WDR7: variants seen among roughly 807,000 people sequenced by gnomAD.
WDR7 encodes WD repeat domain 7, also known as WD repeat-containing protein 7.
WDR7 carries 46 observed loss-of-function variants against 169.4 expected under a neutral mutation model. That is an observed-to-expected ratio of 0.27 (90% confidence interval 0.21 to 0.35). The LOEUF is 0.35. Ranked by LOEUF, WDR7 falls within the 10% of genes least tolerant of loss-of-function variation. WDR7 has a pLI of 1.00. For missense variants in WDR7, 1,534 were observed against 1,859.3 expected (o/e 0.83, Z 3.22); for synonymous variants, 612 against 666.8 (o/e 0.92, Z 1.27).
chr18:56,711,435 A>G (rs2026084363), intron 12 of WDR7, among the ~76,000 whole-genome samples: 1 of 152,042 alleles, frequency 6.6e-6, no homozygotes. Flanking sequence ...TTTTTCTTTG[A>G]TAGTATTTTC....
chr18:56,928,850 C>G (rs945128669), intron 22 of WDR7, among the ~76,000 whole-genome samples: 2 of 152,226 alleles, frequency 1.3e-5, no homozygotes, highest in South Asian at 4.1e-4. Flanking sequence ...TCAAACCCTA[C>G]TCTAGCTTAT....
intron 20 of WDR7, among the ~76,000 whole-genome samples, chr18:56,854,452 C>T (rs1418940001): frequency 6.6e-6 from 1 of 152,222 alleles, no homozygotes; most frequent in East Asian, 1.9e-4. Context: ...GCATAACACC[C>T]TCCAGGAACC....
intron 22 of WDR7, among the ~76,000 whole-genome samples, chr18:56,927,045 A>G (rs1006320969): frequency 1.3e-5 from 2 of 152,100 alleles, no homozygotes; most frequent in African/African-American, 4.8e-5. Context: ...AGAAGCTTTT[A>G]TGTTAGGCCT....
chr18:56,752,256 C>G (rs554034991), intron 14 of WDR7, among the ~76,000 whole-genome samples: 12 of 152,296 alleles, frequency 7.9e-5, no homozygotes, highest in South Asian at 4.2e-4. Flanking sequence ...TTGCATTCTC[C>G]ATCTTGGACA....
rs558018796 is a variant in WDR7, at chr18:56,829,772, G to A, written c.3304+13628G>A. Among the ~76,000 whole-genome samples the A allele has an allele frequency of 2.6e-5, 4 of 152,240 alleles. No individual in the cohort carries two copies. In the East Asian group the frequency reaches 5.8e-4, roughly 22 times the overall value. On this transcript the variant is annotated intron_variant, in intron 20 of 27. Coordinates refer to ENST00000254442, the MANE Select transcript of WDR7 (RefSeq NM_015285.3). ...TAAGAACTGTGATATAAATTGGGAGGCACAGGAGGAAGAAGGCAGGAGAAA... is the reference window on the plus strand; with the variant it reads ...TAAGAACTGTGATATAAATTGGGAGACACAGGAGGAAGAAGGCAGGAGAAA...
At chr18:57,006,965 T>C (rs192374965) in intron 26 of WDR7, among the ~76,000 whole-genome samples, 67 of 152,218 alleles carry the variant, frequency 4.4e-4, no homozygotes, top group Non-Finnish European at 7.5e-4. Flanking sequence ...AATTCCTTTT[T>C]TGTTATCTTT....
intron 26 of WDR7, among the ~76,000 whole-genome samples, chr18:56,981,367 A>C (rs1465809504): frequency 2.0e-5 from 3 of 152,166 alleles, no homozygotes; most frequent in Admixed American, 6.5e-5. Context: ...ATACATGTGG[A>C]GATGCCAAGT....
intron 25 of WDR7, among the ~76,000 whole-genome samples, chr18:56,942,178 G>A (rs2047043165): frequency 6.6e-6 from 1 of 152,186 alleles, no homozygotes; most frequent in Non-Finnish European, 1.5e-5. Flanking sequence ...GGTATGGGGA[G>A]GGAGAGGGAT....
At chr18:56,672,696 T>G in intron 2 of WDR7, 22 bp downstream of exon 2, 4 of 1,570,492 alleles carry the variant, frequency 2.5e-6, no homozygotes, top group Non-Finnish European at 3.4e-6. Context: ...AAATGCCTAT[T>G]ATACATTTTA....
intron 25 of WDR7, among the ~76,000 whole-genome samples, chr18:56,958,421 T>A (rs2145761447): frequency 6.6e-6 from 1 of 152,260 alleles, no homozygotes; most frequent in South Asian, 2.1e-4. Context: ...TTATTGAAAT[T>A]TGTGTGTGCT....
chr18:56,746,394 G>A (rs74559091), intron 14 of WDR7, among the ~76,000 whole-genome samples: 5,838 of 152,264 alleles, frequency 0.038, 341 homozygotes, highest in African/African-American at 0.13. Context: ...TAGGAAAAAG[G>A]ATGGGAATGG....
Position 57,024,589 on chromosome 18 carries a change from T to A in WDR7, c.4270-2415T>A, listed in dbSNP as rs796218594. Among the ~76,000 whole-genome samples the A allele has an allele frequency of 1.7e-3, 196 of 115,742 alleles. 5 individuals carry two copies. Among genetic ancestry groups the A allele is most frequent in the African/African-American group, 4.9e-3 (132 of 27,156 alleles). The allele number at this position is 115,742 out of a possible 152,430, so 75.9% of individuals were successfully genotyped here. The stretch of plus-strand genomic sequence containing the variant: ...GTTATGTCCCTTATAGAATTTCACA[T>A]ATCCCTATTCTCAGGCAGGAATAGG... On this transcript the variant is annotated intron_variant, in intron 27 of 27. Coordinates refer to ENST00000254442, the MANE Select transcript of WDR7 (RefSeq NM_015285.3).
At chr18:56,816,559 TC>T (rs2145217605) in intron 20 of WDR7, among the ~76,000 whole-genome samples, 1 of 152,354 alleles carries the variant, frequency 6.6e-6, no homozygotes, top group East Asian at 1.9e-4. Flanking sequence ...GAAGACTTAC[TC>T]TTTATACCTA....
chr18:56,960,616 A>C (rs2047325483), intron 25 of WDR7, among the ~76,000 whole-genome samples: 1 of 152,180 alleles, frequency 6.6e-6, no homozygotes, highest in African/African-American at 2.4e-5. Context: ...ATGTAGATGT[A>C]GGCACAGTTA....
chr18:56,795,377 G>A lies in WDR7; in HGVS notation c.3190+13721G>A, dbSNP rs8099372. Among the ~76,000 whole-genome samples the A allele has an allele frequency of 6.3e-4, 96 of 152,146 alleles. No individual in the cohort carries two copies. The South Asian group carries it at 0.018, about 28-fold the overall frequency. The stretch of plus-strand genomic sequence containing the variant: ...AGATCGCAAAAAGTGCTAGATATGC[G>A]TCTTGCTGTTTGTTCACTGTTGCTT... On this transcript the variant is annotated intron_variant, in intron 19 of 27. Transcript: ENST00000254442.
intron 25 of WDR7, among the ~76,000 whole-genome samples, chr18:56,956,768 G>A (rs971835482): frequency 6.6e-6 from 1 of 152,142 alleles, no homozygotes; most frequent in Admixed American, 6.6e-5. Flanking sequence ...GCAACATGCA[G>A]TTGATTCGAT....
Position 56,691,287 on chromosome 18 carries a change from G to C in WDR7, c.789G>C (p.Gly263=). 1.2e-6 allele frequency: 2 copies of C among 1,607,476 alleles called. No individual in the cohort carries two copies. Among genetic ancestry groups the C allele is most frequent in the African/African-American group, 1.3e-5 (1 of 74,472 alleles). ...PSENGQTWTG[G]DFVSSDKVII... ...AAAATGGACAGACATGGACCGGGGG[G>C]GACTTTGTCTCATCAGATAAAGTCA... Residue 263 remains glycine (G), a synonymous_variant, in exon 8 of 28, where the codon GGG becomes GGC. Transcript: ENST00000254442.
At chr18:56,905,693 C>T (rs1042373243) in intron 21 of WDR7, among the ~76,000 whole-genome samples, 1 of 150,934 alleles carries the variant, frequency 6.6e-6, no homozygotes, top group South Asian at 2.1e-4. Flanking sequence ...TGTGAAAACA[C>T]CTCCACTTAC....
chr18:56,772,640 T>C lies in WDR7; in HGVS notation c.2849-4142T>C, dbSNP rs2044182270. On this transcript the variant is annotated intron_variant, in intron 16 of 27. Coordinates refer to ENST00000254442, the MANE Select transcript of WDR7 (RefSeq NM_015285.3). Reference sequence around the variant, plus strand: ...ACATTGAACATTATTTCCATAGACATAGAGATATTTATCTCTCTATATAAA... The same window carrying C: ...ACATTGAACATTATTTCCATAGACACAGAGATATTTATCTCTCTATATAAA... Among the ~76,000 whole-genome samples, 4 of 151,976 alleles carry C rather than the reference T, an allele frequency of 2.6e-5. No homozygotes were observed. The South Asian group carries it at 8.3e-4, about 31-fold the overall frequency.
Sources: allele counts gnomAD v4.1 joint callset (sites outside exome capture counted in the v4.1 genomes callset), GRCh38; gene constraint gnomAD v4.1.1; transcripts MANE v1.5; gene names NCBI Gene and HGNC (gene_info 2026-07-23, HGNC 2026-07-21).